NEMF: variants seen among roughly 807,000 people sequenced by gnomAD.
NEMF encodes the protein ribosome quality control complex subunit NEMF.
A neutral mutation model predicts 162.2 loss-of-function variants in NEMF; 89 were observed. The ratio of observed to expected loss-of-function variants is 0.55; its 90% CI spans 0.46 to 0.65. The LOEUF (loss-of-function observed/expected upper bound fraction) is 0.65. NEMF is among the 30% of genes least tolerant of loss of function. The pLI is 0.00. For synonymous variants in NEMF, 421 were observed against 404.5 expected (o/e 1.04, Z -0.49); for missense variants, 1,133 against 1,261.9 (o/e 0.90, Z 1.55).
intron 26 of NEMF, 93 bp downstream of exon 26, chr14:49,795,698 T>G: frequency 2.6e-6 from 3 of 1,155,350 alleles, no homozygotes; most frequent in Non-Finnish European, 3.8e-6. Context: ...GATTATTTTT[T>G]GGCCTACATT....
intron 5 of NEMF, among the ~76,000 whole-genome samples, chr14:49,840,461 C>CAA (rs10706756): frequency 5.0e-5 from 7 of 140,828 alleles, no homozygotes; most frequent in African/African-American, 1.6e-4. Context: ...GACTCCATCT[C>CAA]AAAAAAAAAA....
At chr14:49,800,902 C>T in intron 22 of NEMF, 2 of 498,878 alleles carry the variant, frequency 4.0e-6, no homozygotes, top group Non-Finnish European at 7.0e-6. Context: ...CTCCAAGATC[C>T]TTTACCACAA....
At chr14:49,813,662 G>GGTGTGTGTGTGTGTGT (rs57660068) in intron 18 of NEMF, among the ~76,000 whole-genome samples, 9 of 148,570 alleles carry the variant, frequency 6.1e-5, no homozygotes, top group African/African-American at 2.0e-4. Flanking sequence ...TTTTTTATTA[G>GGTGTGTGTGTGTGTGT]GTGTGTGTGT....
intron 11 of NEMF, 77 bp from the exon 12 acceptor site, chr14:49,829,503 T>G (rs938738999): frequency 5.1e-6 from 6 of 1,169,688 alleles, no homozygotes; most frequent in African/African-American, 1.5e-5. Flanking sequence ...TTCCCAACAC[T>G]CACTATCCTG....
At chr14:49,792,076 G>A (rs1417758458) in intron 26 of NEMF, among the ~76,000 whole-genome samples, 8 of 151,668 alleles carry the variant, frequency 5.3e-5, no homozygotes, top group Middle Eastern at 3.2e-3. Context: ...CCAGGAGGTC[G>A]AGGCTGCAGT....
At chr14:49,802,820 A>C in intron 20 of NEMF, 93 bp from the exon 21 acceptor site, 1 of 838,648 alleles carries the variant, frequency 1.2e-6, no homozygotes, top group Non-Finnish European at 2.0e-6. Flanking sequence ...GATGACACTA[A>C]TGGTCATATC....
chr14:49,799,784 A>C, intron 23 of NEMF, 106 bp from the exon 24 acceptor site: 4 of 918,638 alleles, frequency 4.4e-6, no homozygotes, highest in South Asian at 3.3e-5. Flanking sequence ...GCAATCCAAC[A>C]AATTTTCAAA....
At position 49,832,258 on chromosome 14, in the gene NEMF, C is replaced by T; in HGVS notation, c.755G>A (p.Arg252Lys). The T allele has an allele frequency of 6.2e-7, 1 of 1,602,942 alleles. No homozygotes were observed. Among genetic ancestry groups the T allele is most frequent in the South Asian group, 1.1e-5 (1 of 90,534 alleles). Reference protein sequence around the residue: ...FSGKGYIIQKREIKPSLEADK... With the variant: ...FSGKGYIIQKKEIKPSLEADK... The stretch of plus-strand genomic sequence containing the variant: ...TGCTTCCAAGCTTGGTTTTATTTCT[C>T]TTTTCTGAATGATATATCCCTACAA... Residue 252 changes from arginine to lysine, a missense_variant, in exon 9 of 33, where the codon AGA (arginine) becomes AAA (lysine). Arg to Lys is a conservative substitution (Grantham distance 26). Around this residue, in one of 3 missense-constraint regions of NEMF, gnomAD observed 582 missense variants for 631.5 expected, o/e 0.92. Coordinates refer to ENST00000298310, the MANE Select transcript of NEMF (RefSeq NM_004713.6).
At chr14:49,809,350 A>G (rs1891361176) in intron 18 of NEMF, among the ~76,000 whole-genome samples, 1 of 152,216 alleles carries the variant, frequency 6.6e-6, no homozygotes, top group Non-Finnish European at 1.5e-5. Context: ...GAAATGAGCT[A>G]TCAAGCCATG....
chr14:49,836,171 T>C (rs1317538101), intron 6 of NEMF, among the ~76,000 whole-genome samples: 1 of 152,116 alleles, frequency 6.6e-6, no homozygotes, highest in Non-Finnish European at 1.5e-5. Flanking sequence ...CCCAGCTACG[T>C]GGGAGGCTGA....
At chr14:49,813,950 A>G in intron 18 of NEMF, 38 bp downstream of exon 18, 1 of 1,201,712 alleles carries the variant, frequency 8.3e-7, no homozygotes, top group Non-Finnish European at 1.2e-6. Context: ...TATTTTAAAG[A>G]AAGGAACAGG....
intron 19 of NEMF, among the ~76,000 whole-genome samples, chr14:49,803,529 T>C (rs987774386): frequency 2.1e-5 from 3 of 140,004 alleles, no homozygotes; most frequent in South Asian, 4.4e-4. Flanking sequence ...ATTTTCTTTC[T>C]TTTTTTTTTT....
At chr14:49,798,576 A>G (rs1182283380) in intron 25 of NEMF, among the ~76,000 whole-genome samples, 2 of 152,184 alleles carry the variant, frequency 1.3e-5, no homozygotes, top group African/African-American at 2.4e-5. Flanking sequence ...TTCATTACAC[A>G]CTGTTTCCCT....
intron 8 of NEMF, among the ~76,000 whole-genome samples, chr14:49,832,959 C>T (rs553388150): frequency 6.6e-6 from 1 of 152,116 alleles, no homozygotes; most frequent in South Asian, 2.1e-4. Context: ...TATAAACCAA[C>T]AAAAACTTTT....
Position 49,827,098 on chromosome 14 carries a change from G to A in NEMF, c.1489-1143C>T, listed in dbSNP as rs146717711. On this transcript the variant is annotated intron_variant, in intron 15 of 32. Transcript: ENST00000298310. ...GAGGTCAGAGGGGAGGAGATCTCCC[G>A]TCCTTCTTGCAGGATAGGAGAAGGG... Among the ~76,000 whole-genome samples the A allele has an allele frequency of 5.9e-3, 900 of 152,294 alleles. 8 individuals are homozygous for A. The highest frequency in any genetic ancestry group is 0.021 in the African/African-American group (859 of 41,560).
At position 49,795,801 on chromosome 14, in the gene NEMF, C is replaced by T. The variant is rs1465427410; in HGVS notation, c.2609G>A (p.Arg870Gln). 4.3e-6 allele frequency: 7 copies of T among 1,610,172 alleles called. No homozygotes were observed. Among genetic ancestry groups the T allele is most frequent in the Non-Finnish European group, 5.9e-6 (7 of 1,179,184 alleles). ...CATCCTGAAGTTTACCTTTTGTCCT[C>T]GTTTCATTGGCTGCACAGCCGCAAC... ...KNVAAVQPMK[R>Q]GQKSKMKKMK... Residue 870 changes from arginine (R) to glutamine (Q), a missense_variant, in exon 26 of 33, where the codon CGA becomes CAA. Physicochemically the swap from Arg to Gln is conservative, Grantham distance 43. This residue lies in a region of NEMF where 532 missense variants were observed against 578.6 expected (regional missense o/e 0.92). Coordinates refer to ENST00000298310, the MANE Select transcript of NEMF (RefSeq NM_004713.6).
intron 18 of NEMF, among the ~76,000 whole-genome samples, chr14:49,812,709 AC>A (rs1227850540): frequency 6.6e-6 from 1 of 152,112 alleles, no homozygotes; most frequent in African/African-American, 2.4e-5. Context: ...CGAATTTAAA[AC>A]ATTTTCTCTA....
At chr14:49,824,316 G>A (rs964018172) in intron 16 of NEMF, among the ~76,000 whole-genome samples, 2 of 152,040 alleles carry the variant, frequency 1.3e-5, no homozygotes, top group East Asian at 1.9e-4. Flanking sequence ...AGGCTGAGGC[G>A]GGTGGAACAC....
rs753194693 is a variant in NEMF at position 49,828,602 on chromosome 14, G to A, written c.1424+14C>T. On this transcript the variant is annotated intron_variant, in intron 14 of 32. Coordinates refer to ENST00000298310, the MANE Select transcript of NEMF (RefSeq NM_004713.6). ...GATAACACTTGGCCTAAAATGTAAA[G>A]TTAAATGACTTACTTTTTGGCATTG... 2.0e-6 allele frequency: 3 copies of A among 1,525,728 alleles called. No homozygotes were observed. The South Asian group carries it at 3.9e-5, about 20-fold the overall frequency. 94.5% of individuals were successfully genotyped at this position (1,525,728 alleles called of 1,614,324 possible). A position where few individuals can be genotyped will look rare whatever the true frequency, so the allele number is the denominator to read the frequency against.
Sources: allele counts gnomAD v4.1 joint callset (sites outside exome capture counted in the v4.1 genomes callset), GRCh38; gene constraint gnomAD v4.1.1; regional missense constraint gnomAD v4.1.1; transcripts MANE v1.5; gene names NCBI Gene and HGNC (gene_info 2026-07-23, HGNC 2026-07-21).